SHANK2: variants seen among roughly 807,000 people sequenced by gnomAD.
The protein encoded by SHANK2 is SH3 and multiple ankyrin repeat domains 2.
A neutral mutation model predicts 133.7 loss-of-function variants in SHANK2; 43 were observed. That is an observed-to-expected ratio of 0.32 (90% CI 0.25 to 0.41). The LOEUF is 0.41. Ranked by LOEUF, SHANK2 falls within the 10% of genes least tolerant of loss-of-function variation. The pLI is 1.00. For missense variants in SHANK2, 1,994 were observed against 2,235.8 expected, an observed-to-expected ratio of 0.89 and a Z score of 2.18; for synonymous variants, 1,017 against 952.8, an observed-to-expected ratio of 1.07 and a Z score of -1.24.
At chr11:70,492,149 C>G (rs1370703119) in intron 22 of SHANK2, among the ~76,000 whole-genome samples, 186 bp downstream of exon 22, 4 of 152,240 alleles carry the variant, frequency 2.6e-5, no homozygotes, top group Admixed American at 6.5e-5. Context: ...GCAGCCTGCT[C>G]TGTCCCACCA....
chr11:70,675,543 G>A (rs1446415774), intron 15 of SHANK2, among the ~76,000 whole-genome samples: 1 of 152,106 alleles, frequency 6.6e-6, no homozygotes, highest in Admixed American at 6.5e-5. Flanking sequence ...CCAGTTCCCC[G>A]ACAGCTCACA....
intron 17 of SHANK2, among the ~76,000 whole-genome samples, chr11:70,549,451 T>C (rs782707966): frequency 3.3e-5 from 5 of 152,254 alleles, no homozygotes; most frequent in Non-Finnish European, 5.9e-5. Context: ...GAAATGGAGC[T>C]GCCTGCTTCC....
At chr11:70,574,877 G>A (rs1366712129) in intron 17 of SHANK2, among the ~76,000 whole-genome samples, 2 of 152,094 alleles carry the variant, frequency 1.3e-5, no homozygotes, top group Non-Finnish European at 2.9e-5. Flanking sequence ...CTCGCTGCCC[G>A]GCAAGCTTTC....
chr11:71,082,301 C>T (rs1276395683), intron 8 of SHANK2, among the ~76,000 whole-genome samples: 3 of 152,322 alleles, frequency 2.0e-5, no homozygotes, highest in South Asian at 2.1e-4. Flanking sequence ...GCGGTCACTG[C>T]GGTGCCTGAA....
At chr11:71,227,356 G>A (rs1954658652) in intron 1 of SHANK2, among the ~76,000 whole-genome samples, 1 of 151,936 alleles carries the variant, frequency 6.6e-6, no homozygotes, top group African/African-American at 2.4e-5. Context: ...GCCATAGGTA[G>A]GATGAAAGTA....
At chr11:70,946,796 C>T (rs369403659) in intron 10 of SHANK2, among the ~76,000 whole-genome samples, 4 of 147,426 alleles carry the variant, frequency 2.7e-5, no homozygotes, top group African/African-American at 7.5e-5. Context: ...CTCCACTAAC[C>T]AACCCTTCCC....
intron 8 of SHANK2, among the ~76,000 whole-genome samples, chr11:71,085,657 T>TATAATATAA (rs1565441558): frequency 4.8e-4 from 7 of 14,682 alleles, no homozygotes; most frequent in Admixed American, 1.5e-3. Flanking sequence ...ATGTTATATA[T>TATAATATAA]TATATTATAT....
chr11:70,734,193 C>G (rs2134747863), intron 14 of SHANK2, among the ~76,000 whole-genome samples: 1 of 152,240 alleles, frequency 6.6e-6, no homozygotes, highest in Non-Finnish European at 1.5e-5. Flanking sequence ...GCGGCAGGGG[C>G]AAGGGTGTGG....
intron 9 of SHANK2, among the ~76,000 whole-genome samples, chr11:71,063,015 AAAGAT>A (rs1951006362): frequency 1.3e-5 from 2 of 150,880 alleles, no homozygotes; most frequent in Admixed American, 6.6e-5. Flanking sequence ...AAAAAAAAAA[AAAGAT>A]AGAGAGTAAG....
chr11:70,476,409 G>A (rs1309110505), intron 25 of SHANK2, among the ~76,000 whole-genome samples: 1 of 152,048 alleles, frequency 6.6e-6, no homozygotes, highest in Non-Finnish European at 1.5e-5. Context: ...CCCCTTCTCT[G>A]GTACTCAAAG....
chr11:70,663,193 T>A (rs1944608717), intron 15 of SHANK2, among the ~76,000 whole-genome samples: 1 of 152,166 alleles, frequency 6.6e-6, no homozygotes, highest in Admixed American at 6.5e-5. Context: ...AACAAGGCCA[T>A]GTGCTGACGG....
chr11:71,169,558 C>T (rs568924944), intron 2 of SHANK2, among the ~76,000 whole-genome samples: 1 of 152,176 alleles, frequency 6.6e-6, no homozygotes, highest in African/African-American at 2.4e-5. Flanking sequence ...CAAGATCAGC[C>T]TGGCCAACAT....
At chr11:71,194,569 G>A (rs1215594735) in intron 2 of SHANK2, among the ~76,000 whole-genome samples, 1 of 152,210 alleles carries the variant, frequency 6.6e-6, no homozygotes, top group East Asian at 1.9e-4. Context: ...CAGACACAGA[G>A]TACCAGTGAC....
chr11:71,174,856 G>GA (rs1555112873), intron 2 of SHANK2: 2 of 151,856 alleles, frequency 1.3e-5, no homozygotes, highest in African/African-American at 2.4e-5. Context: ...TGTCTCAAAA[G>GA]AAAAAAAAGA....
chr11:70,900,110 C>A (rs1413841805), intron 10 of SHANK2, among the ~76,000 whole-genome samples: 1 of 152,194 alleles, frequency 6.6e-6, no homozygotes, highest in East Asian at 1.9e-4. Context: ...AATACTAGCA[C>A]TTTGGGAGGC....
At chr11:70,561,680 C>T (rs992363366) in intron 17 of SHANK2, among the ~76,000 whole-genome samples, 3 of 109,160 alleles carry the variant, frequency 2.7e-5, no homozygotes, top group East Asian at 5.0e-4. Flanking sequence ...AGACGTGCAC[C>T]GTCACACCCA....
At chr11:70,785,825 A>G (rs1309704962) in intron 14 of SHANK2, among the ~76,000 whole-genome samples, 1 of 152,150 alleles carries the variant, frequency 6.6e-6, no homozygotes, top group Admixed American at 6.5e-5. Context: ...TGCCCAAACA[A>G]AAGCCGAGAT....
chr11:70,573,505 G>A lies in SHANK2; in HGVS notation c.2062-70574C>T, dbSNP rs918577957. ...TTAAAAAGTGTATCATGATATGACC[G>A]ATACCACAGGAGAGGTTGCCCCATG... On this transcript the variant is annotated intron_variant, in intron 17 of 25. Transcript: ENST00000601538. Among the ~76,000 whole-genome samples, 10 of 140,456 alleles carry A rather than the reference G, an allele frequency of 7.1e-5. No homozygotes were observed. The East Asian group carries it at 1.5e-3, about 22-fold the overall frequency. 92.1% of individuals were successfully genotyped at this position (140,456 alleles called of 152,430 possible).
chr11:70,713,947 T>C (rs1221525185), intron 14 of SHANK2, among the ~76,000 whole-genome samples: 1 of 152,228 alleles, frequency 6.6e-6, no homozygotes, highest in Non-Finnish European at 1.5e-5. Context: ...CTTGTGGCCA[T>C]GCTAAGTGCC....
Sources: gnomAD v4.1 joint callset for allele counts (sites outside exome capture counted in the v4.1 genomes callset) on GRCh38, gnomAD v4.1.1 for gene constraint, MANE v1.5 for transcripts, NCBI Gene and HGNC (gene_info 2026-07-23, HGNC 2026-07-21) for gene names.